The following LRRC4C variants were observed in gnomAD, a reference collection of about 807,000 sequenced individuals.
LRRC4C encodes leucine rich repeat containing 4C, also known as leucine-rich repeat-containing protein 4C.
Under a neutral mutation model 33.6 loss-of-function variants are expected in LRRC4C, and 5 were observed. The ratio of observed to expected loss-of-function variants is 0.15; its 90% CI spans 0.08 to 0.31. The LOEUF (loss-of-function observed/expected upper bound fraction) is 0.31, where lower values mean the gene tolerates loss of function less well. Ranked by LOEUF, LRRC4C falls within the 10% of genes least tolerant of loss-of-function variation. The pLI is 1.00. For missense variants in LRRC4C, 560 were observed against 796.7 expected (o/e 0.70, Z 3.58); for synonymous variants, 329 against 302.0 (o/e 1.09, Z -0.93).
chr11:40,202,306 T>C (rs1005085794), intron 5 of LRRC4C, among the ~76,000 whole-genome samples: 2 of 151,082 alleles, frequency 1.3e-5, no homozygotes, highest in African/African-American at 4.9e-5. Context: ...TTGTTTTTGT[T>C]TTTTTTTAAT....
chr11:40,719,194 A>C (rs576789127), intron 2 of LRRC4C, among the ~76,000 whole-genome samples: 1 of 152,366 alleles, frequency 6.6e-6, no homozygotes, highest in South Asian at 2.1e-4. Context: ...AAATGTGTAC[A>C]ATACCTTGTA....
chr11:41,290,028 G>A (rs2136998996), intron 1 of LRRC4C, among the ~76,000 whole-genome samples: 1 of 152,264 alleles, frequency 6.6e-6, no homozygotes, highest in East Asian at 1.9e-4. Context: ...TCCTGTAGTA[G>A]TAGGTGTCTA....
At chr11:41,227,257 G>T (rs1947582091) in intron 1 of LRRC4C, among the ~76,000 whole-genome samples, 2 of 151,784 alleles carry the variant, frequency 1.3e-5, no homozygotes, top group African/African-American at 4.8e-5. Flanking sequence ...CCCTAAAAAG[G>T]TAGGGAATAT....
intron 2 of LRRC4C, among the ~76,000 whole-genome samples, chr11:40,704,787 A>G (rs1159010847): frequency 6.6e-6 from 1 of 152,204 alleles, no homozygotes. Context: ...GCTATTATTA[A>G]CAATATCATT....
chr11:41,041,093 A>C (rs894441819), intron 1 of LRRC4C, among the ~76,000 whole-genome samples: 3 of 152,174 alleles, frequency 2.0e-5, no homozygotes, highest in African/African-American at 7.2e-5. Flanking sequence ...CTATGTTTTT[A>C]AGAAAGGAGA....
intron 3 of LRRC4C, among the ~76,000 whole-genome samples, chr11:40,403,493 T>C (rs553711024): frequency 1.6e-4 from 24 of 152,204 alleles, no homozygotes; most frequent in Non-Finnish European, 2.8e-4. Context: ...ATGAGATCAT[T>C]TATGTGGTGA....
At chr11:41,353,432 C>T (rs1337160510) in intron 1 of LRRC4C, among the ~76,000 whole-genome samples, 1 of 152,010 alleles carries the variant, frequency 6.6e-6, no homozygotes, top group African/African-American at 2.4e-5. Flanking sequence ...TAGAAAAATT[C>T]TACCAGATGT....
At position 41,431,632 on chromosome 11, in the gene LRRC4C, A is replaced by AGT. The variant is rs571043020; in HGVS notation, c.-496+27797_-496+27798dup. Among the ~76,000 whole-genome samples, 731 of 125,438 alleles carry AGT rather than the reference A, an allele frequency of 5.8e-3. 7 individuals carry two copies. The highest frequency in any genetic ancestry group is 8.0e-3 in the South Asian group (32 of 3,996). The allele number at this position is 125,438 out of a possible 152,430, so 82.3% of individuals were successfully genotyped here. A position where few individuals can be genotyped will look rare whatever the true frequency, so the allele number is the denominator to read the frequency against. Reference sequence around the variant, plus strand: ...ACCTGCAAGAAGCAAGATTTCTAAGAGTGTGTGTGTGTGTGTGTGTACACG... The same window carrying AGT: ...ACCTGCAAGAAGCAAGATTTCTAAGAGTGTGTGTGTGTGTGTGTGTGTACACG... On this transcript the variant is annotated intron_variant, in intron 1 of 6. Transcript: ENST00000528697.
At chr11:40,887,740 G>T (rs1159463829) in intron 2 of LRRC4C, among the ~76,000 whole-genome samples, 1 of 151,982 alleles carries the variant, frequency 6.6e-6, no homozygotes, top group African/African-American at 2.4e-5. Context: ...GCAAAGCATT[G>T]TCTGTGTACA....
chr11:41,432,409 G>C (rs1292346437), intron 1 of LRRC4C, among the ~76,000 whole-genome samples: 1 of 152,148 alleles, frequency 6.6e-6, no homozygotes, highest in Non-Finnish European at 1.5e-5. Flanking sequence ...AGTAGAAGCT[G>C]ACAAATCTAG....
rs143058959 is a variant in LRRC4C at position 41,158,922 on chromosome 11, C to T, written c.-495-225199G>A. On this transcript the variant is annotated intron_variant, in intron 1 of 6. Coordinates refer to ENST00000528697, the MANE Select transcript of LRRC4C (RefSeq NM_001258419.2). ...AAGAGGCTGATCTTATCCCATAAGA[C>T]AGGAACTGGACTTTGTAGAAATAAG... Among the ~76,000 whole-genome samples, 413 of 152,164 alleles carry T rather than the reference C, an allele frequency of 2.7e-3. 3 individuals are homozygous for T. Among genetic ancestry groups the T allele is most frequent in the African/African-American group, 9.5e-3 (393 of 41,538 alleles).
At chr11:40,597,878 T>A (rs1479872382) in intron 3 of LRRC4C, among the ~76,000 whole-genome samples, 1 of 152,194 alleles carries the variant, frequency 6.6e-6, no homozygotes. Context: ...TGGCCAATAG[T>A]TTGCATAATA....
intron 1 of LRRC4C, among the ~76,000 whole-genome samples, chr11:41,300,104 G>C (rs998726026): frequency 2.0e-5 from 3 of 152,168 alleles, no homozygotes; most frequent in African/African-American, 7.2e-5. Context: ...GGTCAATGTA[G>C]TCACAGTGAG....
At chr11:40,644,368 T>C (rs1942312585) in intron 3 of LRRC4C, among the ~76,000 whole-genome samples, 3 of 152,226 alleles carry the variant, frequency 2.0e-5, no homozygotes, top group Non-Finnish European at 1.5e-5. Context: ...CAGCAGTTAA[T>C]TTTAAAAACT....
At chr11:40,510,505 T>C (rs1955261052) in intron 3 of LRRC4C, among the ~76,000 whole-genome samples, 1 of 152,178 alleles carries the variant, frequency 6.6e-6, no homozygotes, top group Admixed American at 6.5e-5. Context: ...ATCCTGTAAA[T>C]TCATTATATA....
intron 2 of LRRC4C, among the ~76,000 whole-genome samples, chr11:40,917,077 C>T (rs1356431849): frequency 6.6e-6 from 1 of 152,042 alleles, no homozygotes; most frequent in Non-Finnish European, 1.5e-5. Context: ...TGGTATATGG[C>T]TTTGAGATGT....
intron 2 of LRRC4C, among the ~76,000 whole-genome samples, chr11:40,706,018 A>T (rs561019155): frequency 3.9e-5 from 6 of 152,108 alleles, no homozygotes; most frequent in Non-Finnish European, 7.4e-5. Context: ...TGAGAAGTGT[A>T]TGTTCATATC....
chr11:41,040,121 G>C lies in LRRC4C; in HGVS notation c.-495-106398C>G, dbSNP rs1186523125. On this transcript the variant is annotated intron_variant, in intron 1 of 6. Transcript: ENST00000528697. ...CCACTGCACTCCAGCCTGGGCAACA[G>C]AGTGAGACTCTGTCTCAAAAAAAAA... Among the ~76,000 whole-genome samples, 32 of 133,240 alleles carry C rather than the reference G, an allele frequency of 2.4e-4. 1 individual carries two copies. In the Admixed American group the frequency reaches 2.4e-3, roughly 10 times the overall value. The allele number at this position is 133,240 out of a possible 152,430, so 87.4% of individuals were successfully genotyped here.
chr11:41,112,151 G>C (rs1590628893), intron 1 of LRRC4C, among the ~76,000 whole-genome samples: 1 of 152,058 alleles, frequency 6.6e-6, no homozygotes, highest in Non-Finnish European at 1.5e-5. Flanking sequence ...ACAGCCAGAA[G>C]CTGTCATGGT....
Sources: allele counts gnomAD v4.1 joint callset (sites outside exome capture counted in the v4.1 genomes callset), GRCh38; gene constraint gnomAD v4.1.1; transcripts MANE v1.5; gene names NCBI Gene and HGNC (gene_info 2026-07-23, HGNC 2026-07-21).